The following DPF3 variants were observed in gnomAD, a reference collection of about 807,000 sequenced individuals.
DPF3 encodes double PHD fingers 3, also known as zinc finger protein DPF3.
Under a neutral mutation model 56.8 loss-of-function variants are expected in DPF3, and 18 were observed. The ratio of observed to expected loss-of-function variants is 0.32; its 90% confidence interval spans 0.22 to 0.47. The LOEUF (loss-of-function observed/expected upper bound fraction) is 0.47. Among genes scored for constraint, DPF3 ranks in the 20% least tolerant of loss-of-function variants. The probability of loss-of-function intolerance (pLI) is 1.00; values close to 1 mark genes in which losing one functional copy is unlikely to be tolerated. For synonymous variants in DPF3, 188 were observed against 180.2 expected (o/e 1.04, Z -0.35); for missense variants, 403 against 488.8 (o/e 0.82, Z 1.65).
chr14:72,891,074 A>G (rs1886732727), intron 1 of DPF3, among the ~76,000 whole-genome samples: 1 of 152,222 alleles, frequency 6.6e-6, no homozygotes, highest in African/African-American at 2.4e-5. Context: ...CCCCAAAGCA[A>G]TGAGATTCAA....
At chr14:72,877,664 G>A (rs1348225719) in intron 1 of DPF3, among the ~76,000 whole-genome samples, 2 of 152,150 alleles carry the variant, frequency 1.3e-5, no homozygotes, top group Non-Finnish European at 1.5e-5. Context: ...TCTGACACTC[G>A]CTGGGATCTT....
At chr14:72,795,289 A>ATATATAT (rs1179925797) in intron 1 of DPF3, among the ~76,000 whole-genome samples, 31 of 119,260 alleles carry the variant, frequency 2.6e-4, no homozygotes, top group Admixed American at 4.2e-4. Context: ...AAAAAAAAAA[A>ATATATAT]AAAAAAATAT....
At chr14:72,781,096 G>T (rs1232750747) in intron 1 of DPF3, among the ~76,000 whole-genome samples, 1 of 152,206 alleles carries the variant, frequency 6.6e-6, no homozygotes, top group Non-Finnish European at 1.5e-5. Flanking sequence ...GGGGACTTGT[G>T]TTGCTCCTCA....
chr14:72,804,645 G>A (rs1306722191), intron 1 of DPF3, among the ~76,000 whole-genome samples: 1 of 152,144 alleles, frequency 6.6e-6, no homozygotes, highest in Non-Finnish European at 1.5e-5. Flanking sequence ...CCAATAAGGA[G>A]GCAGAAAGTA....
At chr14:72,836,118 AAAG>A (rs1884283342) in intron 1 of DPF3, 5 of 985,648 alleles carry the variant, frequency 5.1e-6, no homozygotes, top group South Asian at 9.4e-5. Flanking sequence ...ATCCAGGTCC[AAAG>A]AAGAAGCCAG....
chr14:72,834,516 A>T (rs1056817169), intron 1 of DPF3, among the ~76,000 whole-genome samples: 9 of 147,374 alleles, frequency 6.1e-5, no homozygotes, highest in African/African-American at 1.5e-4. Flanking sequence ...AAAAAAAAAA[A>T]TCAGATACCA....
intron 6 of DPF3, among the ~76,000 whole-genome samples, chr14:72,701,603 G>A (rs1332926622): frequency 1.3e-5 from 2 of 152,318 alleles, no homozygotes; most frequent in Middle Eastern, 3.4e-3. Flanking sequence ...GAACAAAGCC[G>A]CTGCAGCAGA....
rs756808658 is a variant in DPF3, at chr14:72,771,838, G to A, written c.88C>T (p.Arg30Trp). 8 of 1,612,634 alleles carry A rather than the reference G, an allele frequency of 5.0e-6. No individual in the cohort carries two copies. Among genetic ancestry groups the A allele is most frequent in the Admixed American group, 1.7e-5 (1 of 59,904 alleles). The part of the protein sequence containing the change: ...AIEHCRSYNS[R>W]LCAERSVRLP... ...CGCACGCTGCGCTCTGCACACAGCC[G>A]TGAGTTGTAACTCCGGCAGTGCTCA... Residue 30 changes from arginine to tryptophan, a missense_variant, in exon 2 of 11, where the codon CGG (arginine) becomes TGG (tryptophan). By Grantham distance (101) the Arg-to-Trp change is moderately radical. Transcript: ENST00000556509.
chr14:72,719,583 T>C (rs1889082048), intron 5 of DPF3, among the ~76,000 whole-genome samples: 2 of 152,188 alleles, frequency 1.3e-5, no homozygotes, highest in Admixed American at 6.5e-5. Flanking sequence ...TGATAATTGA[T>C]TAATTGGTAA....
chr14:72,655,211 T>C (rs567421378), intron 8 of DPF3, among the ~76,000 whole-genome samples: 3 of 152,342 alleles, frequency 2.0e-5, no homozygotes, highest in Admixed American at 2.0e-4. Context: ...TGGAGTTCTT[T>C]TTAAAATTAT....
chr14:72,822,992 C>T (rs1410880243), intron 1 of DPF3, among the ~76,000 whole-genome samples: 1 of 152,202 alleles, frequency 6.6e-6, no homozygotes, highest in African/African-American at 2.4e-5. Context: ...GGACTAGAAT[C>T]TTCTTTTGAG....
intron 1 of DPF3, among the ~76,000 whole-genome samples, chr14:72,852,606 G>A (rs916209842): frequency 2.0e-5 from 3 of 152,272 alleles, no homozygotes; most frequent in Middle Eastern, 6.8e-3. Context: ...GGCAATAAAC[G>A]TCACACATTC....
chr14:72,690,282 G>GGCTC (rs914765057), intron 7 of DPF3, among the ~76,000 whole-genome samples: 4 of 152,216 alleles, frequency 2.6e-5, no homozygotes, highest in Admixed American at 6.5e-5. Context: ...CGCCCACGAG[G>GGCTC]GCTCGTGAGA....
chr14:72,883,583 C>T (rs6574103), intron 1 of DPF3, among the ~76,000 whole-genome samples: 143,562 of 152,312 alleles, frequency 0.94, 67,770 homozygotes, highest in East Asian at 1. Context: ...CCAAGACATG[C>T]ATGTAACTCT....
intron 8 of DPF3, among the ~76,000 whole-genome samples, chr14:72,673,568 A>G (rs1886782514): frequency 6.6e-6 from 1 of 152,252 alleles, no homozygotes; most frequent in Non-Finnish European, 1.5e-5. Flanking sequence ...AGAATGAAGG[A>G]ACAAGACCAA....
intron 2 of DPF3, among the ~76,000 whole-genome samples, chr14:72,763,408 G>A (rs1891139607): frequency 6.6e-6 from 1 of 151,974 alleles, no homozygotes; most frequent in Non-Finnish European, 1.5e-5. Flanking sequence ...AGACAAATAG[G>A]TCAATAAAAC....
intron 1 of DPF3, among the ~76,000 whole-genome samples, chr14:72,815,991 G>A (rs887014575): frequency 1.3e-5 from 2 of 152,202 alleles, no homozygotes; most frequent in African/African-American, 2.4e-5. Flanking sequence ...GGTGTGTAAT[G>A]TAACATTTCG....
intron 3 of DPF3, among the ~76,000 whole-genome samples, chr14:72,734,584 C>T (rs1320366993): frequency 6.6e-6 from 1 of 152,156 alleles, no homozygotes; most frequent in Admixed American, 6.5e-5. Flanking sequence ...CCCCCTTAGC[C>T]TTCGCAGCAC....
intron 1 of DPF3, among the ~76,000 whole-genome samples, chr14:72,826,055 G>A (rs962893943): frequency 6.6e-6 from 1 of 152,126 alleles, no homozygotes; most frequent in Non-Finnish European, 1.5e-5. Flanking sequence ...ATCTCGGCGG[G>A]CTCTTCCAAG....
Sources: gnomAD v4.1 joint callset for allele counts (sites outside exome capture counted in the v4.1 genomes callset) on GRCh38, gnomAD v4.1.1 for gene constraint, MANE v1.5 for transcripts, NCBI Gene and HGNC (gene_info 2026-07-23, HGNC 2026-07-21) for gene names.